Variants in TMEM117 observed in about 807,000 individuals in gnomAD.
TMEM117 encodes transmembrane protein 117.
TMEM117 carries 27 observed loss-of-function variants against 52.4 expected under a neutral mutation model. The observed-to-expected ratio is 0.51, with a 90% CI of 0.38 to 0.71. The LOEUF (loss-of-function observed/expected upper bound fraction) is 0.71, where lower values mean the gene tolerates loss of function less well. Ranked by LOEUF, TMEM117 falls within the 30% of genes least tolerant of loss-of-function variation. TMEM117 has a pLI of 0.00. For missense variants in TMEM117, 556 were observed against 630.5 expected (o/e 0.88, Z 1.26); for synonymous variants, 215 against 206.3 (o/e 1.04, Z -0.36).
intron 4 of TMEM117, among the ~76,000 whole-genome samples, chr12:44,190,556 G>A (rs1303492881): frequency 6.6e-6 from 1 of 152,070 alleles, no homozygotes; most frequent in Non-Finnish European, 1.5e-5. Context: ...GGAAAATGTG[G>A]AGAAGAAAAT....
At chr12:44,262,163 T>C (rs1308377362) in intron 5 of TMEM117, among the ~76,000 whole-genome samples, 1 of 152,194 alleles carries the variant, frequency 6.6e-6, no homozygotes, top group Non-Finnish European at 1.5e-5. Flanking sequence ...TAAAAGGTTA[T>C]GCTGACTATA....
At chr12:43,921,846 G>T (rs1427746047) in intron 2 of TMEM117, among the ~76,000 whole-genome samples, 1 of 151,992 alleles carries the variant, frequency 6.6e-6, no homozygotes, top group Non-Finnish European at 1.5e-5. Context: ...TCCCCCATTT[G>T]CTCAGCTGAC....
At position 44,152,277 on chromosome 12, in the gene TMEM117, TTATA is replaced by T. The variant is rs1448294985; in HGVS notation, c.510+8658_510+8661del. On this transcript the variant is annotated intron_variant, in intron 4 of 7. Coordinates refer to ENST00000266534, the MANE Select transcript of TMEM117 (RefSeq NM_032256.3). ...TATAAAATGTATAATCATATTTATATTATATATAATTATATTTATAATATTTATA... is the reference window on the plus strand; with the variant it reads ...TATAAAATGTATAATCATATTTATATTATAATTATATTTATAATATTTATA... 4.7e-5 allele frequency among the ~76,000 whole-genome samples: 5 copies of T among 105,432 alleles called. No individual in the cohort carries two copies. The East Asian group carries it at 1.5e-3, about 32-fold the overall frequency. The allele number at this position is 105,432 out of a possible 152,430, so 69.2% of individuals were successfully genotyped here.
At chr12:44,052,885 C>A (rs907974170) in intron 3 of TMEM117, among the ~76,000 whole-genome samples, 1 of 152,150 alleles carries the variant, frequency 6.6e-6, no homozygotes, top group African/African-American at 2.4e-5. Context: ...TCTCTGATAT[C>A]CCTTTCCTTG....
chr12:43,857,298 G>T (rs1031884099), intron 2 of TMEM117, among the ~76,000 whole-genome samples: 8 of 142,040 alleles, frequency 5.6e-5, no homozygotes, highest in African/African-American at 2.0e-4. Context: ...ATGAACCAGG[G>T]TGCCTTTCTA....
chr12:44,108,200 TTTA>T (rs1261773942), intron 3 of TMEM117, among the ~76,000 whole-genome samples: 1 of 152,042 alleles, frequency 6.6e-6, no homozygotes, highest in Non-Finnish European at 1.5e-5. Flanking sequence ...AATTTATTTA[TTTA>T]TTTATTTATT....
intron 3 of TMEM117, among the ~76,000 whole-genome samples, chr12:44,122,616 A>C (rs116120013): frequency 0.016 from 2,379 of 152,176 alleles, 69 homozygotes; most frequent in African/African-American, 0.054. Flanking sequence ...CCATGTGTCC[A>C]TGCATTCTCA....
chr12:44,011,450 A>G (rs982249355), intron 3 of TMEM117, among the ~76,000 whole-genome samples: 4 of 152,078 alleles, frequency 2.6e-5, no homozygotes, highest in African/African-American at 4.8e-5. Flanking sequence ...TGATGGTTTG[A>G]TAAAGAGGAG....
chr12:44,151,161 A>G (rs531592611), intron 4 of TMEM117, among the ~76,000 whole-genome samples: 1 of 152,192 alleles, frequency 6.6e-6, no homozygotes, highest in South Asian at 2.1e-4. Flanking sequence ...AGACATTCCC[A>G]CCAGAGACAG....
intron 3 of TMEM117, among the ~76,000 whole-genome samples, chr12:43,979,666 G>A (rs182472365): frequency 1.4e-4 from 21 of 152,218 alleles, no homozygotes; most frequent in East Asian, 7.7e-4. Context: ...GCAAATTAGC[G>A]TTGATAGCCC....
chr12:44,365,459 G>A (rs569949321), intron 6 of TMEM117, among the ~76,000 whole-genome samples: 4 of 152,000 alleles, frequency 2.6e-5, no homozygotes, highest in Non-Finnish European at 5.9e-5. Flanking sequence ...AAAATGTCAT[G>A]AAAAATCTTA....
At chr12:44,041,653 A>T (rs866876944) in intron 3 of TMEM117, among the ~76,000 whole-genome samples, 2 of 152,082 alleles carry the variant, frequency 1.3e-5, no homozygotes, top group Non-Finnish European at 2.9e-5. Flanking sequence ...CCAAAACCTG[A>T]CAGAGACACA....
At chr12:44,153,118 C>A (rs1368347850) in intron 4 of TMEM117, among the ~76,000 whole-genome samples, 1 of 151,708 alleles carries the variant, frequency 6.6e-6, no homozygotes, top group Non-Finnish European at 1.5e-5. Flanking sequence ...AATGAGTACT[C>A]ATTTTATTGT....
At chr12:43,907,695 G>A (rs1173430679) in intron 2 of TMEM117, among the ~76,000 whole-genome samples, 2 of 151,836 alleles carry the variant, frequency 1.3e-5, no homozygotes, top group Admixed American at 6.6e-5. Context: ...ACTACATGAA[G>A]AATGCAGAAG....
At chr12:44,171,674 A>G (rs953045525) in intron 4 of TMEM117, among the ~76,000 whole-genome samples, 2 of 152,176 alleles carry the variant, frequency 1.3e-5, no homozygotes, top group Admixed American at 6.5e-5. Context: ...GTGGTCCAAC[A>G]TGTCAAGAGG....
intron 5 of TMEM117, among the ~76,000 whole-genome samples, chr12:44,221,478 A>G (rs1005591872): frequency 6.6e-5 from 10 of 152,120 alleles, no homozygotes; most frequent in African/African-American, 2.2e-4. Context: ...GATAAATCAA[A>G]TGTGCAAAAA....
At chr12:43,946,407 A>G (rs1188001804) in intron 3 of TMEM117, among the ~76,000 whole-genome samples, 2 of 16,262 alleles carry the variant, frequency 1.2e-4, no homozygotes, top group African/African-American at 2.4e-4. Flanking sequence ...TTGTTTTTTT[A>G]TCTAGAGCTA....
chr12:44,161,633 T>A (rs1358028048), intron 4 of TMEM117, among the ~76,000 whole-genome samples: 1 of 152,180 alleles, frequency 6.6e-6, no homozygotes, highest in Non-Finnish European at 1.5e-5. Context: ...TCAGTAAGCA[T>A]ATAGAGTACA....
At chr12:43,832,180 T>C (rs973553903), upstream of TMEM117, among the ~76,000 whole-genome samples, 17 of 152,186 alleles carry the variant, frequency 1.1e-4, no homozygotes, top group Admixed American at 1.0e-3. Flanking sequence ...TGGCCAACAC[T>C]GAAGAAGTGG....
Sources: gnomAD v4.1 joint callset for allele counts (sites outside exome capture counted in the v4.1 genomes callset) on GRCh38, gnomAD v4.1.1 for gene constraint, MANE v1.5 for transcripts, NCBI Gene and HGNC (gene_info 2026-07-23, HGNC 2026-07-21) for gene names.